Variants in NAT8L observed in about 807,000 individuals in gnomAD.
NAT8L encodes the protein aspartate N-acetyltransferase.
In NAT8L, 6 loss-of-function variants were observed where a neutral mutation model predicts 21.2. That is an observed-to-expected ratio of 0.28 (90% confidence interval 0.16 to 0.56). NAT8L has a LOEUF of 0.56. Ranked by LOEUF, NAT8L falls within the 20% of genes least tolerant of loss-of-function variation. The probability of loss-of-function intolerance (pLI) is 0.93; values close to 1 mark genes in which losing one functional copy is unlikely to be tolerated. For synonymous variants in NAT8L, 239 were observed against 204.9 expected (o/e 1.17, Z -1.42); for missense variants, 331 against 433.3 (o/e 0.76, Z 2.10).
At chr4:2,063,238 G>T (rs1729927174) in intron 2 of NAT8L, among the ~76,000 whole-genome samples, 1 of 152,268 alleles carries the variant, frequency 6.6e-6, no homozygotes, top group Non-Finnish European at 1.5e-5. Flanking sequence ...TCTGCTGTGG[G>T]TGCTGGAGTT....
chr4:2,063,450 G>C (rs1729930471), intron 2 of NAT8L, among the ~76,000 whole-genome samples: 1 of 152,270 alleles, frequency 6.6e-6, no homozygotes, highest in Admixed American at 6.5e-5. Context: ...ACTCTGAGCA[G>C]CGCAGCCTCC....
Position 2,068,164 on chromosome 4 carries a change from AGTGT to A in NAT8L, c.*4039_*4042del, listed in dbSNP as rs1163973903. Reference sequence around the variant, plus strand: ...TGCAAGTGGGTTCTTGGATATGTGTAGTGTGAGCATGTGTGCATGTGTGAGCCTG... The same window carrying A: ...TGCAAGTGGGTTCTTGGATATGTGTAGAGCATGTGTGCATGTGTGAGCCTG... On this transcript the variant is annotated 3_prime_UTR_variant, in exon 3 of 3. Transcript: ENST00000423729. 1.2e-4 allele frequency: 18 copies of A among 152,138 alleles called. No individual in the cohort carries two copies. The highest frequency in any genetic ancestry group is 4.3e-4 in the African/African-American group (18 of 41,446). The allele number at this position is 152,138 out of a possible 1,614,324, so 9.4% of individuals were successfully genotyped here.
rs1729978175 is a variant in NAT8L at position 2,065,413 on chromosome 4, AGGGGCTGCCCTGGACGGGGGGCGGG to A, written c.*1291_*1315del. 5.7e-5 allele frequency: 2 copies of A among 35,250 alleles called. No homozygotes were observed. Among genetic ancestry groups the A allele is most frequent in the South Asian group, 1.9e-3 (2 of 1,064 alleles). The allele number at this position is 35,250 out of a possible 1,614,324, so 2.2% of individuals were successfully genotyped here. On this transcript the variant is annotated 3_prime_UTR_variant, in exon 3 of 3. Transcript: ENST00000423729. ...GTCTCTCCTTCCTGAGGTCACAGGC[AGGGGCTGCCCTGGACGGGGGGCGGG>A]GGGGGTGGCCTGGAAGGGGAGACAG... is the stretch of plus-strand genomic sequence containing the variant.
At chr4:2,062,048 C>T (rs1729904074) in intron 2 of NAT8L, among the ~76,000 whole-genome samples, 1 of 152,188 alleles carries the variant, frequency 6.6e-6, no homozygotes, top group African/African-American at 2.4e-5. Flanking sequence ...CCCTGGCCAG[C>T]CTCTGCTTGG....
rs1729945707 is a variant in NAT8L, at chr4:2,064,108, T to G, written c.890T>G (p.Leu297Arg). 2 of 1,595,890 alleles carry G rather than the reference T, an allele frequency of 1.3e-6. No homozygotes were observed. Among genetic ancestry groups the G allele is most frequent in the African/African-American group, 1.3e-5 (1 of 74,646 alleles). ...FFQVRYHRYR[L>R]QLREE ...CAGGTCCGCTACCACCGCTACCGCCTGCAGCTGCGCGAGGAGTGACCGCCG... is the reference window on the plus strand; with the variant it reads ...CAGGTCCGCTACCACCGCTACCGCCGGCAGCTGCGCGAGGAGTGACCGCCG... Residue 297 changes from leucine to arginine, a missense_variant, in exon 3 of 3, where the codon CTG (leucine) becomes CGG (arginine). By Grantham distance (102) the Leu-to-Arg change is moderately radical. Transcript: ENST00000423729.
At chr4:2,062,517 G>C (rs536198643) in intron 2 of NAT8L, among the ~76,000 whole-genome samples, 19 of 152,082 alleles carry the variant, frequency 1.2e-4, no homozygotes, top group African/African-American at 4.1e-4. Flanking sequence ...CCAGGACAGG[G>C]GGCCGAGGAG....
chr4:2,060,131 AC>A lies in NAT8L; in HGVS notation c.376+249del, dbSNP rs1449059433. 2.0e-5 allele frequency among the ~76,000 whole-genome samples: 3 copies of A among 150,636 alleles called. No homozygotes were observed. Among genetic ancestry groups the A allele is most frequent in the African/African-American group, 4.9e-5 (2 of 40,902 alleles). On this transcript the variant is annotated intron_variant, in intron 1 of 2. Coordinates refer to ENST00000423729, the MANE Select transcript of NAT8L (RefSeq NM_178557.4). This position sits in a 1 kb window ranked among gnomAD's most constrained non-coding sequence, Gnocchi z 4.7. Reference sequence around the variant, plus strand: ...CTGCGTCCCCGCCGCGCAGCCCCCCACCCCCACCGCCTCCCCTGTCCCCTCC... The same window carrying A: ...CTGCGTCCCCGCCGCGCAGCCCCCCACCCCACCGCCTCCCCTGTCCCCTCC...
At chr4:2,061,208 C>T (rs969141930) in intron 2 of NAT8L, 46 bp downstream of exon 2, 9 of 1,606,538 alleles carry the variant, frequency 5.6e-6, no homozygotes, top group Non-Finnish European at 7.6e-6. Flanking sequence ...CCAGACAGCC[C>T]TCGGGGGCAC....
At chr4:2,061,598 C>T (rs749985784) in intron 2 of NAT8L, among the ~76,000 whole-genome samples, 2 of 152,154 alleles carry the variant, frequency 1.3e-5, no homozygotes, top group South Asian at 2.1e-4. Flanking sequence ...GGGGACCTGA[C>T]CTTGAGCCTT....
intron 2 of NAT8L, 97 bp downstream of exon 2, chr4:2,061,259 C>T (rs1354654907): frequency 1.3e-6 from 2 of 1,552,402 alleles, no homozygotes; most frequent in Admixed American, 1.9e-5. Flanking sequence ...CGAGGGCCGG[C>T]GTGGGTGGGC....
In NAT8L at chr4:2,066,632, T is replaced by A. The variant is rs1730005779; in HGVS notation, c.*2505T>A. On this transcript the variant is annotated 3_prime_UTR_variant, in exon 3 of 3. Coordinates refer to ENST00000423729, the MANE Select transcript of NAT8L (RefSeq NM_178557.4). ...CACATGTGCACTGACGTGAATTTTA[T>A]ACGTTTGTAGAAACTCTGATGTAAC... The A allele has an allele frequency of 6.6e-6, 1 of 152,298 alleles. No homozygotes were observed. Among genetic ancestry groups the A allele is most frequent in the African/African-American group, 2.4e-5 (1 of 41,450 alleles). The allele number at this position is 152,298 out of a possible 1,614,324, so 9.4% of individuals were successfully genotyped here.
At position 2,065,882 on chromosome 4, in the gene NAT8L, CAGACGT is replaced by C; in HGVS notation, c.*1757_*1762del. 1 of 152,792 alleles carries C rather than the reference CAGACGT, an allele frequency of 6.5e-6. No homozygotes were observed. Among genetic ancestry groups the C allele is most frequent in the South Asian group, 2.1e-4 (1 of 4,832 alleles). The allele number at this position is 152,792 out of a possible 1,614,324, so 9.5% of individuals were successfully genotyped here. A position where few individuals can be genotyped will look rare whatever the true frequency, so the allele number is the denominator to read the frequency against. ...ATTTTGTTAATCTGGAATATACAGA[CAGACGT>C]AAAGTGTTTTAGCAAAATGGAAACA... is the stretch of plus-strand genomic sequence containing the variant. On this transcript the variant is annotated 3_prime_UTR_variant, in exon 3 of 3. Transcript: ENST00000423729.
At position 2,059,646 on chromosome 4, in the gene NAT8L, G is replaced by T. The variant is rs1447983310; in HGVS notation, c.135G>T (p.Ala45=). The change falls in exon 1 of 3, where the codon GCG becomes GCT. Residue 45 remains alanine, a synonymous_variant. Transcript: ENST00000423729. The surrounding 1 kb of genome is among the most constrained non-coding windows in gnomAD (Gnocchi z 4.8). The part of the protein sequence containing the change: ...AGAMWPPLPA[A]PGPAAAPPAP... The stretch of plus-strand genomic sequence containing the variant: ...CCATGTGGCCCCCGCTGCCCGCCGC[G>T]CCCGGGCCGGCCGCCGCGCCCCCCG... 5.1e-5 allele frequency: 49 copies of T among 966,584 alleles called. No homozygotes were observed. The highest frequency in any genetic ancestry group is 5.9e-5 in the Non-Finnish European group (48 of 816,044). 59.9% of individuals were successfully genotyped at this position (966,584 alleles called of 1,614,324 possible). A position where few individuals can be genotyped will look rare whatever the true frequency, so the allele number is the denominator to read the frequency against.
In NAT8L at chr4:2,064,249, A is replaced by G; in HGVS notation, c.*122A>G. Reference sequence around the variant, plus strand: ...CGTTTGTGTTGGGTTTCCCCTTTTCAACATCCTGCGGTTGTCTGGCTGGTT... The same window carrying G: ...CGTTTGTGTTGGGTTTCCCCTTTTCGACATCCTGCGGTTGTCTGGCTGGTT... On this transcript the variant is annotated 3_prime_UTR_variant, in exon 3 of 3. Coordinates refer to ENST00000423729, the MANE Select transcript of NAT8L (RefSeq NM_178557.4). The G allele has an allele frequency of 1.6e-6, 1 of 637,700 alleles. No homozygotes were observed. Among genetic ancestry groups the G allele is most frequent in the Non-Finnish European group, 2.1e-6 (1 of 476,398 alleles). 39.5% of individuals were successfully genotyped at this position (637,700 alleles called of 1,614,324 possible).
At chr4:2,063,017 G>A (rs1038230870) in intron 2 of NAT8L, among the ~76,000 whole-genome samples, 4 of 152,070 alleles carry the variant, frequency 2.6e-5, no homozygotes, top group Non-Finnish European at 5.9e-5. Flanking sequence ...CCTCCCCCAC[G>A]ACCGCCACCT....
Position 2,059,923 on chromosome 4 carries a change from C to G in NAT8L, c.376+36C>G. 3.0e-5 allele frequency: 34 copies of G among 1,142,782 alleles called. No homozygotes were observed. The highest frequency in any genetic ancestry group is 3.7e-5 in the Non-Finnish European group (34 of 923,732). The allele number at this position is 1,142,782 out of a possible 1,614,324, so 70.8% of individuals were successfully genotyped here. A position where few individuals can be genotyped will look rare whatever the true frequency, so the allele number is the denominator to read the frequency against. ...CGGGCCCCCGGCTGCCGCAGTCCCT[C>G]GGGCCGGCGCGGAGCTCCCCCGCCC... On this transcript the variant is annotated intron_variant, in intron 1 of 2. Transcript: ENST00000423729. This position sits in a 1 kb window ranked among gnomAD's most constrained non-coding sequence, Gnocchi z 4.8.
intron 2 of NAT8L, 125 bp downstream of exon 2, chr4:2,061,287 T>G (rs2108680067): frequency 1.3e-6 from 2 of 1,493,858 alleles, no homozygotes; most frequent in East Asian, 5.0e-5. Context: ...GGGGCCCCTG[T>G]GACCTGAGCC....
At chr4:2,063,381 C>G (rs1442250559) in intron 2 of NAT8L, among the ~76,000 whole-genome samples, 1 of 152,260 alleles carries the variant, frequency 6.6e-6, no homozygotes, top group Non-Finnish European at 1.5e-5. Flanking sequence ...AGCGGCCTGA[C>G]TGGGCAAAGC....
At position 2,064,140 on chromosome 4, in the gene NAT8L, G is replaced by T. The variant is rs1447281906; in HGVS notation, c.*13G>T. The T allele has an allele frequency of 3.3e-6, 5 of 1,520,730 alleles. No individual in the cohort carries two copies. Among genetic ancestry groups the T allele is most frequent in the African/African-American group, 1.4e-5 (1 of 72,412 alleles). The allele number at this position is 1,520,730 out of a possible 1,614,324, so 94.2% of individuals were successfully genotyped here. A position where few individuals can be genotyped will look rare whatever the true frequency, so the allele number is the denominator to read the frequency against. Reference sequence around the variant, plus strand: ...GCGCGAGGAGTGACCGCCGCCGCTCGCCCGCCCGCCCCCCCGGCCGCCCTG... The same window carrying T: ...GCGCGAGGAGTGACCGCCGCCGCTCTCCCGCCCGCCCCCCCGGCCGCCCTG... On this transcript the variant is annotated 3_prime_UTR_variant, in exon 3 of 3. Transcript: ENST00000423729.
Sources: gnomAD v4.1 joint callset for allele counts (sites outside exome capture counted in the v4.1 genomes callset) on GRCh38, gnomAD v4.1.1 for gene constraint, Gnocchi (gnomAD v3.1) non-coding constraint, MANE v1.5 for transcripts, NCBI Gene and HGNC (gene_info 2026-07-23, HGNC 2026-07-21) for gene names.